Variants in PACS2 observed in about 807,000 individuals in gnomAD.
PACS2 encodes PACS1-like protein.
A neutral mutation model predicts 113.0 loss-of-function variants in PACS2; 36 were observed. The observed-to-expected ratio is 0.32, with a 90% CI of 0.24 to 0.42. The LOEUF (loss-of-function observed/expected upper bound fraction) is 0.42. PACS2 is among the 10% of genes least tolerant of loss of function. The pLI, the probability that PACS2 is intolerant of heterozygous loss-of-function variation, is 1.00. For synonymous variants in PACS2, 589 were observed against 536.1 expected, an observed-to-expected ratio of 1.10 and a Z score of -1.36; for missense variants, 1,015 against 1,239.5, an observed-to-expected ratio of 0.82 and a Z score of 2.72.
chr14:105,333,911 C>A (rs587678613), intron 1 of PACS2, among the ~76,000 whole-genome samples: 3 of 152,374 alleles, frequency 2.0e-5, no homozygotes, highest in Non-Finnish European at 4.4e-5. Flanking sequence ...GTCACACGCA[C>A]CTGCCTGTGC....
chr14:105,393,166 G>GGCCCCA, intron 23 of PACS2, 56 bp from the exon 24 acceptor site: 1 of 1,387,242 alleles, frequency 7.2e-7, no homozygotes, highest in South Asian at 1.2e-5. Flanking sequence ...CCCTGGCCCT[G>GGCCCCA]GCCCCAGCCC....
chr14:105,332,925 C>T (rs996059187), intron 1 of PACS2, among the ~76,000 whole-genome samples: 1 of 152,200 alleles, frequency 6.6e-6, no homozygotes, highest in Non-Finnish European at 1.5e-5. Flanking sequence ...CCCCCACCGC[C>T]ATCGTCCCCC....
intron 1 of PACS2, among the ~76,000 whole-genome samples, chr14:105,322,233 C>A (rs1360593036): frequency 6.6e-6 from 1 of 151,286 alleles, no homozygotes; most frequent in Non-Finnish European, 1.5e-5. Context: ...CTGTGCCCGG[C>A]CTTTTTTTAT....
chr14:105,392,295 G>GCC (rs2081387181), intron 22 of PACS2: 1 of 390,482 alleles, frequency 2.6e-6, no homozygotes, highest in East Asian at 5.4e-5. Context: ...GTTTCCAGCC[G>GCC]CCGGCTCCTT....
At chr14:105,319,602 A>G (rs1404899195) in intron 1 of PACS2, among the ~76,000 whole-genome samples, 1 of 152,170 alleles carries the variant, frequency 6.6e-6, no homozygotes, top group African/African-American at 2.4e-5. Flanking sequence ...TTGTATTTTC[A>G]AAATGTATGT....
chr14:105,374,009 G>A (rs1342430441), intron 8 of PACS2, among the ~76,000 whole-genome samples: 2 of 151,874 alleles, frequency 1.3e-5, no homozygotes, highest in Non-Finnish European at 2.9e-5. Context: ...AAAACAATTA[G>A]CCAGGCATCG....
Position 105,383,380 on chromosome 14 carries a change from C to G in PACS2, c.1647C>G (p.Pro549=). 1.2e-6 allele frequency: 2 copies of G among 1,608,408 alleles called. No homozygotes were observed. Among genetic ancestry groups the G allele is most frequent in the East Asian group, 2.2e-5 (1 of 44,884 alleles). The change falls in exon 16 of 25, where the codon CCC becomes CCG. Residue 549 remains proline (P), a synonymous_variant. Coordinates refer to ENST00000447393, the MANE Select transcript of PACS2 (RefSeq NM_001100913.3). ...GCAGCTGCAACTGCAATTCCCAGCC[C>G]CCGACCCCCGTGAAGATCGCCGTGG... is the stretch of plus-strand genomic sequence containing the variant. ...IQRYCNCNSQ[P]PTPVKIAVAG...
In PACS2 at chr14:105,330,029, A is replaced by G. The variant is rs2059244693; in HGVS notation, c.119+14992A>G. On this transcript the variant is annotated intron_variant, in intron 1 of 24. Transcript: ENST00000447393. The surrounding 1 kb of genome is among the most constrained non-coding windows in gnomAD (Gnocchi z 6.9). ...CTGCTGGGGGATTTCAGTGAGAACC[A>G]GGAAGGGTTGAGCCAGAGCCTCCGA... 1.3e-5 allele frequency among the ~76,000 whole-genome samples: 2 copies of G among 152,082 alleles called. No homozygotes were observed. Among genetic ancestry groups the G allele is most frequent in the Admixed American group, 1.3e-4 (2 of 15,276 alleles).
chr14:105,337,263 G>C (rs2059563286), intron 1 of PACS2, among the ~76,000 whole-genome samples: 3 of 152,202 alleles, frequency 2.0e-5, no homozygotes, highest in Non-Finnish European at 2.9e-5. Flanking sequence ...GGTGCAGCCT[G>C]GTGATGCCAG....
intron 1 of PACS2, among the ~76,000 whole-genome samples, chr14:105,347,305 G>A (rs1298558891): frequency 5.9e-5 from 9 of 151,990 alleles, no homozygotes; most frequent in African/African-American, 2.2e-4. Flanking sequence ...TACCCATCCA[G>A]TGCTCCCGTT....
intron 1 of PACS2, among the ~76,000 whole-genome samples, chr14:105,335,977 G>A (rs2059502400): frequency 6.6e-6 from 1 of 152,228 alleles, no homozygotes; most frequent in African/African-American, 2.4e-5. Context: ...GCCTGGGGAT[G>A]GCAGGGCGTG....
In PACS2 at chr14:105,365,784, T is replaced by G. The variant is rs2060923465; in HGVS notation, c.424-1429T>G. On this transcript the variant is annotated intron_variant, in intron 4 of 24. Transcript: ENST00000447393. This position sits in a 1 kb window ranked among gnomAD's most constrained non-coding sequence, Gnocchi z 5.1. Reference sequence around the variant, plus strand: ...CCAGGTTCTCACCCCTGTGTGACACTGAGACCCTGCCACATCAGATGCCAC... The same window carrying G: ...CCAGGTTCTCACCCCTGTGTGACACGGAGACCCTGCCACATCAGATGCCAC... Among the ~76,000 whole-genome samples, 1 of 152,182 alleles carries G rather than the reference T, an allele frequency of 6.6e-6. No homozygotes were observed. The highest frequency in any genetic ancestry group is 1.5e-5 in the Non-Finnish European group (1 of 68,034).
intron 20 of PACS2, chr14:105,390,612 C>T (rs2081323753): frequency 6.0e-6 from 1 of 167,122 alleles, no homozygotes; most frequent in Non-Finnish European, 1.3e-5. Flanking sequence ...GTCTCTGGGC[C>T]TCGGTTTCCC....
Position 105,376,897 on chromosome 14 carries a change from G to A in PACS2, c.931G>A (p.Val311Ile), listed in dbSNP as rs782607135. 33 of 1,611,754 alleles carry A rather than the reference G, an allele frequency of 2.0e-5. No individual in the cohort carries two copies. The highest frequency in any genetic ancestry group is 5.5e-5 in the South Asian group (5 of 90,898). The change falls in exon 9 of 25, where the codon GTC becomes ATC. Residue 311 changes from valine to isoleucine, a missense_variant. Val to Ile is a conservative substitution (Grantham distance 29). Coordinates refer to ENST00000447393, the MANE Select transcript of PACS2 (RefSeq NM_001100913.3). This position sits in a 1 kb window ranked among gnomAD's most constrained non-coding sequence, Gnocchi z 4.7. ...CCCCGACATGGAGGATGACGACAGCGTCCTCAGCACCCCCAAGCCGAAGCT... is the reference window on the plus strand; with the variant it reads ...CCCCGACATGGAGGATGACGACAGCATCCTCAGCACCCCCAAGCCGAAGCT... Reference protein sequence around the residue: ...SGPDMEDDDSVLSTPKPKLRP... With the variant: ...SGPDMEDDDSILSTPKPKLRP...
chr14:105,351,408 G>A (rs1245448985), intron 2 of PACS2, among the ~76,000 whole-genome samples: 1 of 152,212 alleles, frequency 6.6e-6, no homozygotes, highest in African/African-American at 2.4e-5. Flanking sequence ...GTTTTCAGGT[G>A]CTCATGCATT....
At chr14:105,336,050 C>T (rs2059505913) in intron 1 of PACS2, among the ~76,000 whole-genome samples, 1 of 152,174 alleles carries the variant, frequency 6.6e-6, no homozygotes, top group Non-Finnish European at 1.5e-5. Context: ...GGGCACGGAG[C>T]GTGTGTGGCC....
At chr14:105,380,303 C>T (rs1474004445) in intron 11 of PACS2, 149 bp downstream of exon 11, 1 of 678,534 alleles carries the variant, frequency 1.5e-6, no homozygotes, top group Non-Finnish European at 2.5e-6. Context: ...CAGGGGTGGC[C>T]AGGCTGCCAG....
chr14:105,383,692 A>C (rs1342741934), intron 16 of PACS2, 179 bp downstream of exon 16: 1 of 583,692 alleles, frequency 1.7e-6, no homozygotes, highest in Non-Finnish European at 3.0e-6. Context: ...GTTGTTTTTA[A>C]ATGTTTGTTT....
chr14:105,389,891 G>A (rs1470846609), intron 19 of PACS2, 70 bp from the exon 20 acceptor site: 4 of 1,412,416 alleles, frequency 2.8e-6, no homozygotes, highest in Admixed American at 1.7e-5. Context: ...CTCAGGCCAA[G>A]AGGGAGCTGT....
Sources: allele counts gnomAD v4.1 joint callset (sites outside exome capture counted in the v4.1 genomes callset), GRCh38; gene constraint gnomAD v4.1.1; non-coding constraint Gnocchi (gnomAD v3.1); transcripts MANE v1.5; gene names NCBI Gene and HGNC (gene_info 2026-07-23, HGNC 2026-07-21).